SLC6A16: variants seen among roughly 807,000 people sequenced by gnomAD.
SLC6A16 encodes solute carrier family 6 member 16.
In SLC6A16, 54 loss-of-function variants were observed where a neutral mutation model predicts 65.4. The ratio of observed to expected loss-of-function variants is 0.83; its 90% confidence interval spans 0.66 to 1.04. The LOEUF is 1.04. SLC6A16 is among the 50% of genes least tolerant of loss of function. SLC6A16 has a pLI of 0.00. For missense variants in SLC6A16, 816 were observed against 914.0 expected (o/e 0.89, Z 1.38); for synonymous variants, 330 against 346.5 (o/e 0.95, Z 0.53).
At chr19:49,294,612 T>C (rs570940261) in intron 7 of SLC6A16, 59 bp from the exon 8 acceptor site, 2 of 1,384,202 alleles carry the variant, frequency 1.4e-6, no homozygotes, top group South Asian at 1.4e-5. Flanking sequence ...ATAGTCTCCT[T>C]TTCCCTTATC....
the SLC6A16 span, chr19:49,331,680 G>A: frequency 2.3e-6 from 1 of 442,082 alleles, no homozygotes; most frequent in Non-Finnish European, 4.6e-6. Flanking sequence ...GCCAGTGAGT[G>A]AAGGGAGAAA....
the SLC6A16 span, chr19:49,335,856 C>CCCTGAGACA: frequency 8.0e-7 from 1 of 1,257,180 alleles, no homozygotes; most frequent in Non-Finnish European, 1.2e-6. The surrounding 1 kb of genome is among the most constrained non-coding windows in gnomAD (Gnocchi z 4.6). Flanking sequence ...TCCCTTGTCT[C>CCCTGAGACA]AGGGAGACCT....
chr19:49,322,912 C>T (rs1970738790), intron 1 of SLC6A16, among the ~76,000 whole-genome samples: 1 of 115,170 alleles, frequency 8.7e-6, no homozygotes, highest in South Asian at 3.0e-4. Context: ...CTCAAGGGAC[C>T]CTGAACAGCC....
rs2146134735 is a variant in SLC6A16 at position 49,310,811 on chromosome 19, C to A, written c.415+122G>T. On this transcript the variant is annotated intron_variant, in intron 2 of 11. Coordinates refer to ENST00000335875, the MANE Select transcript of SLC6A16 (RefSeq NM_014037.3). Reference sequence around the variant, plus strand: ...AAGTGTCCAGGGACCTGGCTCCTATCCTGCTCAGAGCACCAGGTCTTTAGT... The same window carrying A: ...AAGTGTCCAGGGACCTGGCTCCTATACTGCTCAGAGCACCAGGTCTTTAGT... 2 of 841,202 alleles carry A rather than the reference C, an allele frequency of 2.4e-6. 1 individual carries two copies. The highest frequency in any genetic ancestry group is 3.4e-5 in the South Asian group (2 of 59,524). The allele number at this position is 841,202 out of a possible 1,614,324, so 52.1% of individuals were successfully genotyped here. A position where few individuals can be genotyped will look rare whatever the true frequency, so the allele number is the denominator to read the frequency against.
chr19:49,293,712 C>G (rs889397340), intron 9 of SLC6A16, 115 bp downstream of exon 9: 90 of 905,690 alleles, frequency 9.9e-5, no homozygotes, highest in Middle Eastern at 3.4e-4. Context: ...TGCAGTAAGC[C>G]GAGATCACAC....
Position 49,290,368 on chromosome 19 carries a change from G to A in SLC6A16, c.1966C>T (p.Pro656Ser). 1 of 1,613,614 alleles carries A rather than the reference G, an allele frequency of 6.2e-7. No individual in the cohort carries two copies. Among genetic ancestry groups the A allele is most frequent in the Non-Finnish European group, 8.5e-7 (1 of 1,179,758 alleles). The change falls in exon 12 of 12, where the codon CCA (proline) becomes TCA (serine). Residue 656 changes from proline to serine, a missense_variant. Physicochemically the swap from Pro to Ser is moderately conservative, Grantham distance 74. Transcript: ENST00000335875. Reference sequence around the variant, plus strand: ...ATCATCAAGAGCAGTGCCCACGGTGGGTATGGTCGAAGCACCTCTTTTGAC... The same window carrying A: ...ATCATCAAGAGCAGTGCCCACGGTGAGTATGGTCGAAGCACCTCTTTTGAC... ...STSKEVLRPYPPWALLLMITL... is the reference protein window; with the variant it reads ...STSKEVLRPYSPWALLLMITL...
intron 1 of SLC6A16, among the ~76,000 whole-genome samples, chr19:49,322,333 A>G (rs1318380490): frequency 2.0e-5 from 3 of 152,196 alleles, no homozygotes; most frequent in African/African-American, 4.8e-5. Flanking sequence ...AGCATCAGAA[A>G]GAATAAAATA....
At chr19:49,307,797 C>A (rs1382556353) in intron 7 of SLC6A16, among the ~76,000 whole-genome samples, 1 of 151,592 alleles carries the variant, frequency 6.6e-6, no homozygotes, top group Non-Finnish European at 1.5e-5. Context: ...TCAGGGTTGC[C>A]TCCTCTGGAA....
At chr19:49,338,183 C>T in the SLC6A16 span, 1 of 1,441,514 alleles carries the variant, frequency 6.9e-7, no homozygotes, top group Non-Finnish European at 9.1e-7. The surrounding 1 kb of genome is among the most constrained non-coding windows in gnomAD (Gnocchi z 5.0). Context: ...CCCCAGATGA[C>T]ACAACTGTCC....
chr19:49,290,514 A>G, intron 11 of SLC6A16, 91 bp downstream of exon 11: 1 of 1,564,406 alleles, frequency 6.4e-7, no homozygotes, highest in Non-Finnish European at 8.8e-7. Context: ...GGGCAGTAAG[A>G]GAATGAGATG....
chr19:49,317,583 G>C (rs1970634391), intron 1 of SLC6A16, among the ~76,000 whole-genome samples: 1 of 151,762 alleles, frequency 6.6e-6, no homozygotes. Flanking sequence ...GAGGCGGGCG[G>C]ACCACGAGGT....
At chr19:49,338,772 G>A in the SLC6A16 span, 1 of 1,613,744 alleles carries the variant, frequency 6.2e-7, no homozygotes, top group Non-Finnish European at 8.5e-7. This position sits in a 1 kb window ranked among gnomAD's most constrained non-coding sequence, Gnocchi z 5.0. Flanking sequence ...CGGGTCGGAG[G>A]CGCACCGCGT....
rs765402371 is a variant in SLC6A16, at chr19:49,310,369, C to T, written c.557G>A (p.Gly186Glu). Residue 186 changes from glycine to glutamate, a missense_variant, in exon 3 of 12, where the codon GGG becomes GAG. Physicochemically the swap from Gly to Glu is moderately conservative, Grantham distance 98. Coordinates refer to ENST00000335875, the MANE Select transcript of SLC6A16 (RefSeq NM_014037.3). ...GCTCCTCACCATGAAGCTAGAATAC[C>T]CCACACCACCAATCCAGGGGGCAAT... is the stretch of plus-strand genomic sequence containing the variant. ...KIIAPWIGGV[G>E]YSSFMVCFIL... is the part of the protein sequence containing the mutation. 8 of 1,613,948 alleles carry T rather than the reference C, an allele frequency of 5.0e-6. No homozygotes were observed. The highest frequency in any genetic ancestry group is 2.2e-5 in the South Asian group (2 of 91,050).
the SLC6A16 span, chr19:49,337,526 G>T: frequency 2.6e-5 from 21 of 821,198 alleles, no homozygotes; most frequent in African/African-American, 3.1e-4. Context: ...GGAGGTCGAG[G>T]TGGGAGGATC....
chr19:49,317,153 A>C (rs1346731177), intron 1 of SLC6A16, among the ~76,000 whole-genome samples: 1 of 151,834 alleles, frequency 6.6e-6, no homozygotes, highest in Non-Finnish European at 1.5e-5. Flanking sequence ...AAGCCTGGCC[A>C]ATATGGTGAA....
At chr19:49,300,056 C>A (rs1024342518) in intron 7 of SLC6A16, among the ~76,000 whole-genome samples, 1 of 149,576 alleles carries the variant, frequency 6.7e-6, no homozygotes, top group African/African-American at 2.5e-5. Flanking sequence ...AGAAGGAAAT[C>A]CCTCATGGAA....
chr19:49,333,171 AAAC>A, the SLC6A16 span, among the ~76,000 whole-genome samples: 16 of 151,538 alleles, frequency 1.1e-4, no homozygotes, highest in East Asian at 1.4e-3. Context: ...CAAAACAAAC[AAAC>A]AACAACAACA....
At chr19:49,319,539 G>A (rs944687455) in intron 1 of SLC6A16, among the ~76,000 whole-genome samples, 8 of 148,876 alleles carry the variant, frequency 5.4e-5, no homozygotes, top group Admixed American at 1.3e-4. Context: ...ATACCTATAC[G>A]ATATATACAT....
chr19:49,300,566 G>T (rs999536462), intron 7 of SLC6A16, among the ~76,000 whole-genome samples: 2 of 151,900 alleles, frequency 1.3e-5, no homozygotes, highest in Admixed American at 6.6e-5. Context: ...AAAAAAAATG[G>T]AATGATAAAT....
Sources: allele counts gnomAD v4.1 joint callset (sites outside exome capture counted in the v4.1 genomes callset), GRCh38; gene constraint gnomAD v4.1.1; non-coding constraint Gnocchi (gnomAD v3.1); transcripts MANE v1.5; gene names NCBI Gene and HGNC (gene_info 2026-07-23, HGNC 2026-07-21).